The following NCKAP1 variants were observed in gnomAD, a reference collection of about 807,000 sequenced individuals.
The protein encoded by NCKAP1 is nck-associated protein 1.
A neutral mutation model predicts 151.2 loss-of-function variants in NCKAP1; 21 were observed. The ratio of observed to expected loss-of-function variants is 0.14; its 90% CI spans 0.10 to 0.20. The LOEUF (loss-of-function observed/expected upper bound fraction) is 0.20. Among genes scored for constraint, NCKAP1 ranks in the 10% least tolerant of loss-of-function variants. The probability of loss-of-function intolerance (pLI) is 1.00; values close to 1 mark genes in which losing one functional copy is unlikely to be tolerated. For missense variants in NCKAP1, 933 were observed against 1,352.1 expected, an observed-to-expected ratio of 0.69 and a Z score of 4.86; for synonymous variants, 484 against 451.8, an observed-to-expected ratio of 1.07 and a Z score of -0.90.
chr2:182,931,312 G>T (rs2105800721), intron 26 of NCKAP1, among the ~76,000 whole-genome samples: 1 of 152,128 alleles, frequency 6.6e-6, no homozygotes, highest in Middle Eastern at 3.4e-3. Context: ...ATCACATATA[G>T]ATTTCAAATA....
chr2:182,957,668 C>A, intron 18 of NCKAP1, 72 bp from the exon 19 acceptor site: 1 of 1,465,830 alleles, frequency 6.8e-7, no homozygotes. Flanking sequence ...TTCAAGCAAA[C>A]AGTAGCTGAA....
Position 182,961,881 on chromosome 2 carries a change from T to G in NCKAP1, c.1881+278A>C, listed in dbSNP as rs188588463. ...CAAATATGCTTAATTCCAGTTCTTT[T>G]GCAACTTTCAAGAAATAGCAGAATC... is the stretch of plus-strand genomic sequence containing the variant. On this transcript the variant is annotated intron_variant, in intron 18 of 30. Coordinates refer to ENST00000361354, the MANE Select transcript of NCKAP1 (RefSeq NM_013436.5). Among the ~76,000 whole-genome samples the G allele has an allele frequency of 1.9e-3, 290 of 152,342 alleles. 1 individual carries two copies. The highest frequency in any genetic ancestry group is 6.6e-3 in the African/African-American group (276 of 41,582).
chr2:182,952,131 A>G (rs1248527143), intron 23 of NCKAP1, among the ~76,000 whole-genome samples: 1 of 152,202 alleles, frequency 6.6e-6, no homozygotes, highest in Non-Finnish European at 1.5e-5. Context: ...ATTCAATACT[A>G]TGAAGGCCTG....
At position 182,989,065 on chromosome 2, in the gene NCKAP1, G is replaced by A; in HGVS notation, c.912C>T (p.His304=). 3.1e-6 allele frequency: 5 copies of A among 1,612,946 alleles called. No individual in the cohort carries two copies. The highest frequency in any genetic ancestry group is 4.2e-6 in the Non-Finnish European group (5 of 1,179,702). The change falls in exon 9 of 31, where the codon CAC becomes CAT. Residue 304 remains histidine, a synonymous_variant. Coordinates refer to ENST00000361354, the MANE Select transcript of NCKAP1 (RefSeq NM_013436.5). ...SLFRDEVFHI[H]KAAEDLFVNI... is the part of the protein sequence containing the mutation. ...TTACAAATAAGTCTTCTGCAGCTTT[G>A]TGAATGTGGAAAACTTCATCCCGAA...
chr2:183,013,529 C>A (rs2105886049), intron 2 of NCKAP1, among the ~76,000 whole-genome samples: 1 of 152,260 alleles, frequency 6.6e-6, no homozygotes, highest in African/African-American at 2.4e-5. Context: ...ACATTTCTCA[C>A]CTCAACCACC....
chr2:183,020,482 A>AAAAAAAAG (rs1559109267), intron 2 of NCKAP1, among the ~76,000 whole-genome samples: 38 of 125,066 alleles, frequency 3.0e-4, no homozygotes, highest in African/African-American at 8.6e-4. Context: ...AAAAAAAAAG[A>AAAAAAAAG]AAAAAAAGAA....
intron 24 of NCKAP1, among the ~76,000 whole-genome samples, chr2:182,940,936 T>A (rs1464477109): frequency 6.6e-6 from 1 of 152,224 alleles, no homozygotes; most frequent in Non-Finnish European, 1.5e-5. Flanking sequence ...TTTTATTCAA[T>A]AAGAATTAAA....
chr2:183,014,185 G>T (rs1354438027), intron 2 of NCKAP1, among the ~76,000 whole-genome samples: 1 of 152,052 alleles, frequency 6.6e-6, no homozygotes, highest in Admixed American at 6.6e-5. Flanking sequence ...AACAGAACTT[G>T]GCTCATAGAA....
Position 182,932,665 on chromosome 2 carries a change from T to G in NCKAP1, c.2860-1877A>C, listed in dbSNP as rs943943536. On this transcript the variant is annotated intron_variant, in intron 26 of 30. Coordinates refer to ENST00000361354, the MANE Select transcript of NCKAP1 (RefSeq NM_013436.5). ...AAAAACATGTTTTTGTTTTTTGTTG[T>G]TTTTTTTTTTAAAAGTTAAGTTCTA... 4.1e-5 allele frequency among the ~76,000 whole-genome samples: 6 copies of G among 146,834 alleles called. No individual in the cohort carries two copies. The South Asian group carries it at 1.1e-3, about 27-fold the overall frequency.
At chr2:182,969,369 A>C (rs144916870) in intron 15 of NCKAP1, among the ~76,000 whole-genome samples, 2 of 152,332 alleles carry the variant, frequency 1.3e-5, no homozygotes, top group East Asian at 3.9e-4. Flanking sequence ...GAAATAAAAA[A>C]TTTATTGAAA....
intron 17 of NCKAP1, among the ~76,000 whole-genome samples, chr2:182,962,905 T>C (rs1444776308): frequency 6.6e-6 from 1 of 151,974 alleles, no homozygotes; most frequent in East Asian, 1.9e-4. Context: ...CGTTTGATTG[T>C]TTTTTTCTTA....
chr2:182,970,092 T>C (rs995557435), intron 15 of NCKAP1, among the ~76,000 whole-genome samples: 5 of 152,062 alleles, frequency 3.3e-5, no homozygotes, highest in African/African-American at 9.7e-5. Flanking sequence ...GGACCAGTAA[T>C]AAGTAATGAG....
intron 1 of NCKAP1, among the ~76,000 whole-genome samples, chr2:183,028,125 A>G (rs1698932637): frequency 6.6e-6 from 1 of 151,990 alleles, no homozygotes; most frequent in Non-Finnish European, 1.5e-5. Context: ...AAAAATAGAA[A>G]AAAAGGAAAG....
At chr2:183,021,599 A>C (rs1291365749) in intron 2 of NCKAP1, among the ~76,000 whole-genome samples, 2 of 152,192 alleles carry the variant, frequency 1.3e-5, no homozygotes, top group Admixed American at 6.5e-5. Context: ...TGACAGAGTG[A>C]AACCCTGTCT....
intron 6 of NCKAP1, among the ~76,000 whole-genome samples, chr2:182,996,869 C>T (rs1188150722): frequency 6.6e-6 from 1 of 152,178 alleles, no homozygotes; most frequent in Admixed American, 6.5e-5. Flanking sequence ...GGAAACAGAA[C>T]CCCACAATCT....
chr2:183,003,386 A>G (rs1698408954), intron 2 of NCKAP1, 61 bp from the exon 3 acceptor site: 6 of 969,864 alleles, frequency 6.2e-6, no homozygotes, highest in Admixed American at 2.3e-5. Flanking sequence ...ATTTTACTAC[A>G]AACTATCTTC....
chr2:183,029,851 GA>G (rs150047796), intron 1 of NCKAP1, among the ~76,000 whole-genome samples: 4,990 of 147,410 alleles, frequency 0.034, 114 homozygotes, highest in Non-Finnish European at 0.04. Flanking sequence ...GAGAGAGAAG[GA>G]AAAAAAACAA....
At position 183,006,435 on chromosome 2, in the gene NCKAP1, AT is replaced by A. The variant is rs1360387674; in HGVS notation, c.220-3111del. Among the ~76,000 whole-genome samples the A allele has an allele frequency of 2.0e-5, 3 of 152,240 alleles. No individual in the cohort carries two copies. In the East Asian group the frequency reaches 5.8e-4, roughly 29 times the overall value. ...AATATTCCCCATTATTACCCATAGT[AT>A]TTCTAATAAGAGCTGATATTTACTG... On this transcript the variant is annotated intron_variant, in intron 2 of 30. Transcript: ENST00000361354.
intron 13 of NCKAP1, 111 bp downstream of exon 13, chr2:182,981,133 T>A: frequency 1.5e-6 from 2 of 1,338,180 alleles, no homozygotes; most frequent in Non-Finnish European, 2.1e-6. Context: ...ATAAACATGA[T>A]TTATCACTTG....
Sources: gnomAD v4.1 joint callset for allele counts (sites outside exome capture counted in the v4.1 genomes callset) on GRCh38, gnomAD v4.1.1 for gene constraint, MANE v1.5 for transcripts, NCBI Gene and HGNC (gene_info 2026-07-23, HGNC 2026-07-21) for gene names.